The following ROR2 variants were observed in gnomAD, a reference collection of about 807,000 sequenced individuals.
The protein encoded by ROR2 is ROR family WNT receptor 2, also known as tyrosine-protein kinase transmembrane receptor ROR2.
A neutral mutation model predicts 74.9 loss-of-function variants in ROR2; 33 were observed. That is an observed-to-expected ratio of 0.44 (90% CI 0.33 to 0.59). The LOEUF (loss-of-function observed/expected upper bound fraction) is 0.59, where lower values mean the gene tolerates loss of function less well. ROR2 is among the 20% of genes least tolerant of loss of function. The pLI is 0.02. For synonymous variants in ROR2, 586 were observed against 558.7 expected (o/e 1.05, Z -0.69); for missense variants, 1,216 against 1,313.8 (o/e 0.93, Z 1.15).
At chr9:91,732,279 C>T (rs9409456) in intron 6 of ROR2, among the ~76,000 whole-genome samples, 2 of 152,044 alleles carry the variant, frequency 1.3e-5, no homozygotes, top group African/African-American at 4.8e-5. Context: ...ATAAGCAGCG[C>T]TCCCTGTCCT....
At chr9:91,774,867 TTAAGACCAGAAGGGTCA>T (rs1177934736) in intron 2 of ROR2, among the ~76,000 whole-genome samples, 1 of 152,164 alleles carries the variant, frequency 6.6e-6, no homozygotes, top group African/African-American at 2.4e-5. Flanking sequence ...GTTTCAAACT[TTAAGACCAGAAGGGTCA>T]ATTTCTCTGT....
intron 1 of ROR2, chr9:91,948,838 C>T: frequency 3.0e-6 from 3 of 985,430 alleles, no homozygotes; most frequent in Non-Finnish European, 3.6e-6. Flanking sequence ...GAAGGCCCCG[C>T]CCGCCCTCCT....
chr9:91,760,601 T>C (rs1213096164), intron 2 of ROR2, among the ~76,000 whole-genome samples: 1 of 147,788 alleles, frequency 6.8e-6, no homozygotes, highest in Non-Finnish European at 1.5e-5. Flanking sequence ...GCCACTGCAC[T>C]CCGGCCTGGG....
intron 2 of ROR2, among the ~76,000 whole-genome samples, chr9:91,771,696 G>GTC (rs200079382): frequency 3.1e-4 from 46 of 149,060 alleles, no homozygotes; most frequent in South Asian, 1.5e-3. Flanking sequence ...CTCTCTCTCT[G>GTC]TCTCTCTCTC....
Position 91,733,169 on chromosome 9 carries a change from G to A in ROR2, c.890C>T (p.Ala297Val). The A allele has an allele frequency of 6.2e-7, 1 of 1,607,554 alleles. No homozygotes were observed. Among genetic ancestry groups the A allele is most frequent in the South Asian group, 1.1e-5 (1 of 89,984 alleles). ...GATGCCAATGCGCATGCAGTTGGCA[G>A]CGTCGGGGCTCTCAGGCATGGGCAG... ...EALPMPESPD[A>V]ANCMRIGIPA... The change falls in exon 6 of 9, where the codon GCT becomes GTT. Residue 297 changes from alanine (A) to valine (V), a missense_variant. Ala to Val is a moderately conservative substitution (Grantham distance 64, BLOSUM62 0). Transcript: ENST00000375708. This position sits in a 1 kb window ranked among gnomAD's most constrained non-coding sequence, Gnocchi z 5.7.
chr9:91,823,385 A>G (rs1339729506), intron 1 of ROR2, among the ~76,000 whole-genome samples: 1 of 150,190 alleles, frequency 6.7e-6, no homozygotes, highest in Non-Finnish European at 1.5e-5. Flanking sequence ...CCCAGGCTGG[A>G]GTGACATGAT....
At chr9:91,883,895 AG>A (rs1470493364) in intron 1 of ROR2, among the ~76,000 whole-genome samples, 1 of 151,988 alleles carries the variant, frequency 6.6e-6, no homozygotes, top group African/African-American at 2.4e-5. Flanking sequence ...CCCCCTACCC[AG>A]GGCCCCTATC....
At chr9:91,814,093 C>T (rs116846073) in intron 1 of ROR2, among the ~76,000 whole-genome samples, 1 of 152,174 alleles carries the variant, frequency 6.6e-6, no homozygotes, top group Admixed American at 6.5e-5. Flanking sequence ...GAGGCTAAGG[C>T]AAGAGGATCG....
chr9:91,834,012 G>A (rs1828543735), intron 1 of ROR2, among the ~76,000 whole-genome samples: 1 of 152,186 alleles, frequency 6.6e-6, no homozygotes, highest in African/African-American at 2.4e-5. Context: ...TGGAGAGTGG[G>A]TAGGCCGTCC....
intron 1 of ROR2, among the ~76,000 whole-genome samples, chr9:91,934,655 T>C (rs1831635983): frequency 1.3e-5 from 2 of 151,976 alleles, no homozygotes; most frequent in South Asian, 4.2e-4. Context: ...CATAGAAATG[T>C]GTGGTTGGTC....
rs200008731 is a variant in ROR2 at position 91,724,840 on chromosome 9, T to C, written c.1654A>G (p.Ile552Val). The part of the protein sequence containing the change: ...VVTKDQPLSM[I>V]FSYCSHGDLH... ...TCGCCGTGCGAACAGTAGCTGAAGA[T>C]CATGCTCAGGGGCTGGTCCTTGGTC... is the stretch of plus-strand genomic sequence containing the variant. Residue 552 changes from isoleucine (I) to valine (V), a missense_variant, in exon 9 of 9, where the codon ATC becomes GTC. Transcript: ENST00000375708. The C allele has an allele frequency of 1.3e-5, 21 of 1,604,490 alleles. No homozygotes were observed. The highest frequency in any genetic ancestry group is 1.7e-5 in the Admixed American group (1 of 59,778).
At chr9:91,767,108 C>T (rs1003101083) in intron 2 of ROR2, among the ~76,000 whole-genome samples, 2 of 150,726 alleles carry the variant, frequency 1.3e-5, no homozygotes, top group African/African-American at 4.9e-5. Flanking sequence ...CGGAGGCTCG[C>T]TCTGTCGCCA....
chr9:91,853,328 C>A (rs1006333071), intron 1 of ROR2, among the ~76,000 whole-genome samples: 4 of 152,100 alleles, frequency 2.6e-5, no homozygotes, highest in African/African-American at 9.7e-5. Flanking sequence ...GTAAGGTGGC[C>A]CCAACAGGTG....
At chr9:91,813,761 T>G (rs1420099291) in intron 1 of ROR2, among the ~76,000 whole-genome samples, 1 of 152,124 alleles carries the variant, frequency 6.6e-6, no homozygotes, top group Non-Finnish European at 1.5e-5. Flanking sequence ...CCTTTCTGAC[T>G]CCCTTCACCA....
chr9:91,942,582 C>T (rs547331207), intron 1 of ROR2, among the ~76,000 whole-genome samples: 2 of 152,250 alleles, frequency 1.3e-5, no homozygotes, highest in African/African-American at 2.4e-5. Flanking sequence ...ACCCCTCCCA[C>T]TTAGGTTTTG....
chr9:91,759,941 G>A (rs1237488444), intron 2 of ROR2, among the ~76,000 whole-genome samples: 1 of 152,172 alleles, frequency 6.6e-6, no homozygotes, highest in Non-Finnish European at 1.5e-5. Flanking sequence ...TCCCCAAGTA[G>A]GTGAGTAAAA....
intron 4 of ROR2, among the ~76,000 whole-genome samples, chr9:91,745,351 C>T (rs866422926): frequency 1.3e-5 from 2 of 151,650 alleles, no homozygotes; most frequent in South Asian, 4.2e-4. Context: ...TCTCAAACTC[C>T]CGACCTCAGA....
In ROR2 at chr9:91,726,856, T is replaced by A. The variant is rs551372370; in HGVS notation, c.1184-113A>T. 4.2e-6 allele frequency: 4 copies of A among 962,436 alleles called. No homozygotes were observed. The East Asian group carries it at 1.0e-4, about 24-fold the overall frequency. The allele number at this position is 962,436 out of a possible 1,614,324, so 59.6% of individuals were successfully genotyped here. ...AAAATCTTCACGTGCACGTGTGTCA[T>A]CACCTAAGTTACACAATGGGGTAAA... On this transcript the variant is annotated intron_variant, in intron 7 of 8. Coordinates refer to ENST00000375708, the MANE Select transcript of ROR2 (RefSeq NM_004560.4).
chr9:91,928,471 G>A (rs914130999), intron 1 of ROR2, among the ~76,000 whole-genome samples: 3 of 152,220 alleles, frequency 2.0e-5, no homozygotes, highest in African/African-American at 7.2e-5. Flanking sequence ...CATAAAGAAA[G>A]GAAGGTACAC....
Sources: gnomAD v4.1 joint callset for allele counts (sites outside exome capture counted in the v4.1 genomes callset) on GRCh38, gnomAD v4.1.1 for gene constraint, Gnocchi (gnomAD v3.1) non-coding constraint, MANE v1.5 for transcripts, NCBI Gene and HGNC (gene_info 2026-07-23, HGNC 2026-07-21) for gene names.